Variants in CDK6 observed in about 807,000 individuals in gnomAD.
The protein encoded by CDK6 is cyclin dependent kinase 6.
In CDK6, 6 loss-of-function variants were observed where a neutral mutation model predicts 37.1. The ratio of observed to expected loss-of-function variants is 0.16; its 90% confidence interval spans 0.09 to 0.32. CDK6 has a LOEUF of 0.32. Among genes scored for constraint, CDK6 ranks in the 10% least tolerant of loss-of-function variants. The pLI is 1.00. For missense variants in CDK6, 224 were observed against 418.9 expected, an observed-to-expected ratio of 0.53 and a Z score of 4.06; for synonymous variants, 160 against 161.3, an observed-to-expected ratio of 0.99 and a Z score of 0.06.
At chr7:92,828,170 A>G (rs993256624) in intron 2 of CDK6, among the ~76,000 whole-genome samples, 2 of 152,104 alleles carry the variant, frequency 1.3e-5, no homozygotes, top group Non-Finnish European at 2.9e-5. Flanking sequence ...AAATTATCAT[A>G]ATTATAGCAC....
rs1029089976 is a variant in CDK6, at chr7:92,835,640, CAATG to C, written c.-368+834_-368+837del. On this transcript the variant is annotated intron_variant, in intron 1 of 7. Coordinates refer to ENST00000424848, the MANE Select transcript of CDK6 (RefSeq NM_001145306.2). The surrounding 1 kb of genome is among the most constrained non-coding windows in gnomAD (Gnocchi z 4.2). The stretch of plus-strand genomic sequence containing the variant: ...TGTCTCTGCTCTCTGTCTTCACACT[CAATG>C]AAATCCTTCATGCGCCTCTCCCGAA... Among the ~76,000 whole-genome samples, 10 of 152,210 alleles carry C rather than the reference CAATG, an allele frequency of 6.6e-5. No homozygotes were observed. The highest frequency in any genetic ancestry group is 1.3e-4 in the Non-Finnish European group (9 of 68,046).
At chr7:92,638,603 T>C (rs1056007334) in intron 5 of CDK6, among the ~76,000 whole-genome samples, 2 of 152,208 alleles carry the variant, frequency 1.3e-5, no homozygotes, top group East Asian at 1.9e-4. Context: ...AGGTCTGCCA[T>C]TGACCGGCTG....
chr7:92,830,927 T>A (rs1801462073), intron 2 of CDK6, among the ~76,000 whole-genome samples: 1 of 152,202 alleles, frequency 6.6e-6, no homozygotes, highest in Admixed American at 6.5e-5. Context: ...AATTGACCCC[T>A]CCCTGTGAAG....
At chr7:92,720,627 T>A (rs1030848820) in intron 4 of CDK6, among the ~76,000 whole-genome samples, 1 of 152,206 alleles carries the variant, frequency 6.6e-6, no homozygotes, top group Non-Finnish European at 1.5e-5. Context: ...CAGTGCTTCA[T>A]GACTGTCAGA....
chr7:92,810,879 T>C (rs1346788587), intron 2 of CDK6, among the ~76,000 whole-genome samples: 1 of 152,278 alleles, frequency 6.6e-6, no homozygotes, highest in Non-Finnish European at 1.5e-5. Flanking sequence ...GAGACCATCC[T>C]AGCCAACATG....
At chr7:92,810,130 C>A (rs144911913) in intron 2 of CDK6, among the ~76,000 whole-genome samples, 43 of 152,148 alleles carry the variant, frequency 2.8e-4, no homozygotes, top group African/African-American at 9.4e-4. Context: ...AATATATATG[C>A]GTGTGTATGT....
At chr7:92,619,742 C>T (rs751784179) in intron 6 of CDK6, among the ~76,000 whole-genome samples, 2 of 151,718 alleles carry the variant, frequency 1.3e-5, no homozygotes, top group South Asian at 2.1e-4. Context: ...CACTGTAATT[C>T]GGCCTCTATC....
chr7:92,830,719 A>T (rs767758950), intron 2 of CDK6, among the ~76,000 whole-genome samples: 5 of 152,222 alleles, frequency 3.3e-5, no homozygotes, highest in Non-Finnish European at 7.3e-5. Context: ...CAGGAAGGAA[A>T]CAAAAAGGGA....
intron 5 of CDK6, among the ~76,000 whole-genome samples, chr7:92,659,530 G>C: frequency 6.6e-6 from 1 of 151,810 alleles, no homozygotes; most frequent in African/African-American, 2.4e-5. Flanking sequence ...GACAGAGCTG[G>C]TTTATACTTT....
Position 92,835,947 on chromosome 7 carries a change from G to A in CDK6, c.-368+531C>T, listed in dbSNP as rs1230099677. On this transcript the variant is annotated intron_variant, in intron 1 of 7. Transcript: ENST00000424848. The surrounding 1 kb of genome is among the most constrained non-coding windows in gnomAD (Gnocchi z 4.2). Reference sequence around the variant, plus strand: ...CTTTTCTGTGTATAACACGCCCGCAGGAAGCCTGCGTTAACATTTATCTCG... The same window carrying A: ...CTTTTCTGTGTATAACACGCCCGCAAGAAGCCTGCGTTAACATTTATCTCG... 2.6e-5 allele frequency among the ~76,000 whole-genome samples: 4 copies of A among 152,256 alleles called. No individual in the cohort carries two copies. Among genetic ancestry groups the A allele is most frequent in the South Asian group, 4.1e-4 (2 of 4,830 alleles).
At chr7:92,668,442 A>G (rs1797006021) in intron 5 of CDK6, among the ~76,000 whole-genome samples, 1 of 152,198 alleles carries the variant, frequency 6.6e-6, no homozygotes, top group African/African-American at 2.4e-5. Context: ...AAACCTACGT[A>G]AATAATAGTA....
intron 3 of CDK6, among the ~76,000 whole-genome samples, chr7:92,747,519 G>A (rs1439230344): frequency 6.6e-6 from 1 of 152,176 alleles, no homozygotes; most frequent in South Asian, 2.1e-4. Context: ...CAGCCTAATG[G>A]TGTCTTTCCC....
Position 92,615,154 on chromosome 7 carries a change from G to C in CDK6, c.967C>G (p.Leu323Val), listed in dbSNP as rs1355845437. Residue 323 changes from leucine to valine, a missense_variant, in exon 8 of 8, where the codon CTG (leucine) becomes GTG (valine). Physicochemically the swap from Leu to Val is conservative, Grantham distance 32. Coordinates refer to ENST00000424848, the MANE Select transcript of CDK6 (RefSeq NM_001145306.2). ...HLPPSQNTSE[L>V]NTA is the part of the protein sequence containing the mutation. ...CTGCTGAGGCCTCAGGCTGTATTCA[G>C]CTCCGAGGTGTTCTGGCTGGGCGGC... is the stretch of plus-strand genomic sequence containing the variant. 1.2e-6 allele frequency: 2 copies of C among 1,613,712 alleles called. No individual in the cohort carries two copies. Among genetic ancestry groups the C allele is most frequent in the Non-Finnish European group, 1.7e-6 (2 of 1,180,026 alleles).
rs1179964856 is a variant in CDK6, at chr7:92,614,264, T to A, written c.*876A>T. 2 of 232,938 alleles carry A rather than the reference T, an allele frequency of 8.6e-6. No individual in the cohort carries two copies. The highest frequency in any genetic ancestry group is 1.1e-4 in the Admixed American group (2 of 17,788). The allele number at this position is 232,938 out of a possible 1,614,324, so 14.4% of individuals were successfully genotyped here. On this transcript the variant is annotated 3_prime_UTR_variant, in exon 8 of 8. Transcript: ENST00000424848. ...CAGGAAATAAAGGCTTTCTATTCTTTTTTTTAAAATCTATCTGAGGTACAC... is the reference window on the plus strand; with the variant it reads ...CAGGAAATAAAGGCTTTCTATTCTTATTTTTAAAATCTATCTGAGGTACAC...
intron 4 of CDK6, among the ~76,000 whole-genome samples, chr7:92,691,169 A>C (rs776405810): frequency 1.1e-4 from 17 of 152,242 alleles, no homozygotes; most frequent in Non-Finnish European, 2.4e-4. Flanking sequence ...CAATCAACCT[A>C]CCAAGACAGA....
chr7:92,631,278 C>T (rs190124908), intron 5 of CDK6, among the ~76,000 whole-genome samples: 1 of 151,988 alleles, frequency 6.6e-6, no homozygotes, highest in Non-Finnish European at 1.5e-5. Flanking sequence ...CCTCTCTGTC[C>T]CAGGCAAACT....
At chr7:92,660,386 G>T (rs766294193) in intron 5 of CDK6, among the ~76,000 whole-genome samples, 3 of 152,104 alleles carry the variant, frequency 2.0e-5, no homozygotes, top group Non-Finnish European at 4.4e-5. Context: ...GAAGAGCAAG[G>T]GTTCTAAGGA....
rs1458768834 is a variant in CDK6 at position 92,833,424 on chromosome 7, T to C, written c.-101A>G. Reference sequence around the variant, plus strand: ...CGCCTACTCCGGGGCTCCCCGGAGATCGGTCTAGCTTTACTTGCTCCCCGC... The same window carrying C: ...CGCCTACTCCGGGGCTCCCCGGAGACCGGTCTAGCTTTACTTGCTCCCCGC... On this transcript the variant is annotated 5_prime_UTR_variant, in exon 2 of 8. Coordinates refer to ENST00000424848, the MANE Select transcript of CDK6 (RefSeq NM_001145306.2). The surrounding 1 kb of genome is among the most constrained non-coding windows in gnomAD (Gnocchi z 6.1). 1 of 807,318 alleles carries C rather than the reference T, an allele frequency of 1.2e-6. No individual in the cohort carries two copies. Among genetic ancestry groups the C allele is most frequent in the African/African-American group, 1.8e-5 (1 of 55,852 alleles). The allele number at this position is 807,318 out of a possible 1,614,324, so 50.0% of individuals were successfully genotyped here. A position where few individuals can be genotyped will look rare whatever the true frequency, so the allele number is the denominator to read the frequency against.
Position 92,615,057 on chromosome 7 carries a change from A to G in CDK6, c.*83T>C, listed in dbSNP as rs936962765. On this transcript the variant is annotated 3_prime_UTR_variant, in exon 8 of 8. Coordinates refer to ENST00000424848, the MANE Select transcript of CDK6 (RefSeq NM_001145306.2). Reference sequence around the variant, plus strand: ...AGGCCTCCAGATAGCAATCCTCCACAGCTCTGTAGGGCTTGCTGAGGGGGA... The same window carrying G: ...AGGCCTCCAGATAGCAATCCTCCACGGCTCTGTAGGGCTTGCTGAGGGGGA... The G allele has an allele frequency of 1.8e-5, 26 of 1,437,502 alleles. No homozygotes were observed. The highest frequency in any genetic ancestry group is 2.5e-5 in the Non-Finnish European group (26 of 1,045,658). 89.0% of individuals were successfully genotyped at this position (1,437,502 alleles called of 1,614,324 possible). A position where few individuals can be genotyped will look rare whatever the true frequency, so the allele number is the denominator to read the frequency against.
Sources: allele counts gnomAD v4.1 joint callset (sites outside exome capture counted in the v4.1 genomes callset), GRCh38; gene constraint gnomAD v4.1.1; non-coding constraint Gnocchi (gnomAD v3.1); transcripts MANE v1.5; gene names NCBI Gene and HGNC (gene_info 2026-07-23, HGNC 2026-07-21).